SNX24: variants seen among roughly 807,000 people sequenced by gnomAD.
SNX24 encodes the protein sorting nexin-24.
SNX24 carries 22 observed loss-of-function variants against 28.7 expected under a neutral mutation model. The ratio of observed to expected loss-of-function variants is 0.77; its 90% CI spans 0.55 to 1.10. The LOEUF (loss-of-function observed/expected upper bound fraction) is 1.10, where lower values mean the gene tolerates loss of function less well. SNX24 is among the 50% of genes least tolerant of loss of function. The probability of loss-of-function intolerance (pLI) is 0.00; values close to 1 mark genes in which losing one functional copy is unlikely to be tolerated. For missense variants in SNX24, 221 were observed against 201.1 expected (o/e 1.10, Z -0.60); for synonymous variants, 69 against 71.5 (o/e 0.96, Z 0.18).
At chr5:122,957,541 T>G (rs769902165) in intron 3 of SNX24, among the ~76,000 whole-genome samples, 41 of 152,216 alleles carry the variant, frequency 2.7e-4, no homozygotes, top group Admixed American at 1.0e-3. Context: ...TGGATTTTTA[T>G]ATTTCTGCAA....
At chr5:122,974,161 A>G (rs1359180619) in intron 3 of SNX24, among the ~76,000 whole-genome samples, 1 of 152,176 alleles carries the variant, frequency 6.6e-6, no homozygotes, top group Non-Finnish European at 1.5e-5. Context: ...TCACCTTACA[A>G]GGAGTATCTC....
intron 3 of SNX24, among the ~76,000 whole-genome samples, chr5:122,979,074 G>T (rs578232006): frequency 6.6e-6 from 1 of 152,064 alleles, no homozygotes; most frequent in Non-Finnish European, 1.5e-5. Context: ...AAAGAGCTAC[G>T]TCTACCACTC....
chr5:122,850,917 G>A (rs1375165227), intron 1 of SNX24, among the ~76,000 whole-genome samples: 2 of 152,046 alleles, frequency 1.3e-5, no homozygotes, highest in Admixed American at 6.6e-5. Flanking sequence ...AAACCAAGGA[G>A]TGTGAGGCTG....
In SNX24 at chr5:123,008,400, T is replaced by G. The variant is rs552956854; in HGVS notation, c.*651T>G. On this transcript the variant is annotated 3_prime_UTR_variant, in exon 7 of 7. Coordinates refer to ENST00000261369, the MANE Select transcript of SNX24 (RefSeq NM_014035.4). ...AGGTCAGTACATAGGTAAAATGGGC[T>G]ATTAGGATGATCCTTGAAAGCCCTT... 1 of 593,520 alleles carries G rather than the reference T, an allele frequency of 1.7e-6. No individual in the cohort carries two copies. The highest frequency in any genetic ancestry group is 7.4e-5 in the South Asian group (1 of 13,550). The allele number at this position is 593,520 out of a possible 1,614,324, so 36.8% of individuals were successfully genotyped here. A position where few individuals can be genotyped will look rare whatever the true frequency, so the allele number is the denominator to read the frequency against.
chr5:122,975,455 GTATTA>G (rs1213800658), intron 3 of SNX24, among the ~76,000 whole-genome samples: 1 of 151,252 alleles, frequency 6.6e-6, no homozygotes, highest in African/African-American at 2.4e-5. Flanking sequence ...GTATTTCATT[GTATTA>G]TATTCTCTAC....
chr5:122,984,034 G>C (rs1231900587), intron 3 of SNX24, among the ~76,000 whole-genome samples: 5 of 152,082 alleles, frequency 3.3e-5, no homozygotes, highest in Non-Finnish European at 7.4e-5. Context: ...GTAATCATTA[G>C]TATTAATTAG....
At chr5:122,957,020 G>T (rs2150134935) in intron 3 of SNX24, among the ~76,000 whole-genome samples, 1 of 152,094 alleles carries the variant, frequency 6.6e-6, no homozygotes, top group East Asian at 1.9e-4. Context: ...AAATTTTCAT[G>T]AAGTGCCATT....
chr5:122,944,138 C>T (rs369804966), intron 2 of SNX24, among the ~76,000 whole-genome samples: 4 of 152,312 alleles, frequency 2.6e-5, no homozygotes, highest in South Asian at 2.1e-4. Flanking sequence ...AGGTGATGCA[C>T]GCATCTCACA....
At chr5:122,909,301 C>G (rs1291532914) in intron 1 of SNX24, among the ~76,000 whole-genome samples, 1 of 152,154 alleles carries the variant, frequency 6.6e-6, no homozygotes, top group East Asian at 1.9e-4. Flanking sequence ...GTACCTATTG[C>G]TTAATCTGTG....
chr5:122,939,904 T>C (rs1759365218), intron 2 of SNX24, among the ~76,000 whole-genome samples: 1 of 152,220 alleles, frequency 6.6e-6, no homozygotes, highest in Non-Finnish European at 1.5e-5. Context: ...CTCAAGGTTT[T>C]AAACCTTCAA....
intron 3 of SNX24, among the ~76,000 whole-genome samples, chr5:122,946,452 T>C (rs1032723508): frequency 6.6e-6 from 1 of 152,212 alleles, no homozygotes; most frequent in East Asian, 1.9e-4. Flanking sequence ...GTTTTTTGCT[T>C]TTTGCTTTTC....
intron 5 of SNX24, chr5:123,029,227 T>C: frequency 6.2e-7 from 1 of 1,610,648 alleles, no homozygotes; most frequent in Non-Finnish European, 8.5e-7. Context: ...ATTTAATACT[T>C]ATTTTCTCAG....
intron 3 of SNX24, among the ~76,000 whole-genome samples, chr5:122,985,213 A>C (rs1037925795): frequency 6.6e-6 from 1 of 152,182 alleles, no homozygotes; most frequent in Non-Finnish European, 1.5e-5. Context: ...TCTTATGTAC[A>C]TAGTCAGCCA....
intron 1 of SNX24, among the ~76,000 whole-genome samples, chr5:122,924,781 C>A (rs1176314493): frequency 6.6e-6 from 1 of 152,068 alleles, no homozygotes; most frequent in South Asian, 2.1e-4. Flanking sequence ...GAAACTAAGG[C>A]TCAGAGTTGA....
intron 1 of SNX24, among the ~76,000 whole-genome samples, chr5:122,876,759 G>A (rs1047117020): frequency 4.6e-5 from 7 of 152,286 alleles, no homozygotes; most frequent in South Asian, 2.1e-4. Flanking sequence ...AATGAGGAGT[G>A]GAGTGCAGTA....
chr5:122,999,565 G>T (rs190265387), intron 3 of SNX24, among the ~76,000 whole-genome samples: 13 of 152,048 alleles, frequency 8.5e-5, no homozygotes, highest in African/African-American at 2.9e-4. Flanking sequence ...GATGTTGCCA[G>T]GTTTTGAAAT....
intron 1 of SNX24, among the ~76,000 whole-genome samples, chr5:122,909,725 G>A (rs1298697888): frequency 6.6e-6 from 1 of 152,126 alleles, no homozygotes; most frequent in East Asian, 1.9e-4. Flanking sequence ...GCTTACCATT[G>A]GCCAAACTGT....
At chr5:122,976,295 A>G (rs1175136456) in intron 3 of SNX24, among the ~76,000 whole-genome samples, 1 of 11,998 alleles carries the variant, frequency 8.3e-5, no homozygotes, top group Admixed American at 8.0e-4. Context: ...TCAGTCATTA[A>G]AAAAAAAAAA....
chr5:122,988,310 C>G (rs1761691440), intron 3 of SNX24, among the ~76,000 whole-genome samples: 1 of 152,296 alleles, frequency 6.6e-6, no homozygotes, highest in Middle Eastern at 3.4e-3. Flanking sequence ...GAAGTGAATT[C>G]AAAAACTTGA....
Sources: allele counts gnomAD v4.1 joint callset (sites outside exome capture counted in the v4.1 genomes callset), GRCh38; gene constraint gnomAD v4.1.1; transcripts MANE v1.5; gene names NCBI Gene and HGNC (gene_info 2026-07-23, HGNC 2026-07-21).